Variants in OR11A1 observed in about 807,000 individuals in gnomAD.
OR11A1 encodes olfactory receptor 11A1.
For synonymous variants in OR11A1, 158 were observed against 152.2 expected, an observed-to-expected ratio of 1.04 and a Z score of -0.28; for missense variants, 380 against 378.2, an observed-to-expected ratio of 1.00 and a Z score of -0.04.
At chr6:29,451,946 G>T (rs571527364) in intron 1 of OR11A1, among the ~76,000 whole-genome samples, 82 of 152,222 alleles carry the variant, frequency 5.4e-4, no homozygotes, top group Non-Finnish European at 9.7e-4. Flanking sequence ...ATCAACAGTG[G>T]ACTGGAGAAG....
chr6:29,431,789 A>G, intron 2 of OR11A1, 75 bp downstream of exon 2: 2 of 863,918 alleles, frequency 2.3e-6, no homozygotes, highest in Non-Finnish European at 2.8e-6. Context: ...ATAAACAGCT[A>G]TAAAAACCAG....
intron 1 of OR11A1, chr6:29,440,036 G>A (rs759552911): frequency 1.3e-5 from 21 of 1,612,912 alleles, no homozygotes; most frequent in East Asian, 2.2e-5. Flanking sequence ...ACACCTCCAT[G>A]GTGACTGAGT....
In OR11A1 at chr6:29,457,033, T is replaced by C. The variant is rs1786418709; in HGVS notation, c.-435A>G. The stretch of plus-strand genomic sequence containing the variant: ...GCACGTTTTTAGTAGGGAGCCTTAG[T>C]TTCTCCCCATATGTGTGTTTCCATT... On this transcript the variant is annotated 5_prime_UTR_variant, in exon 1 of 5. Coordinates refer to ENST00000377149, the MANE Select transcript of OR11A1 (RefSeq NM_001394828.1). The C allele has an allele frequency of 1.3e-5, 2 of 152,204 alleles. No individual in the cohort carries two copies. The highest frequency in any genetic ancestry group is 6.5e-5 in the Admixed American group (1 of 15,282). The allele number at this position is 152,204 out of a possible 1,614,324, so 9.4% of individuals were successfully genotyped here.
At chr6:29,455,215 T>C (rs1424014152) in intron 1 of OR11A1, among the ~76,000 whole-genome samples, 1 of 152,156 alleles carries the variant, frequency 6.6e-6, no homozygotes, top group Non-Finnish European at 1.5e-5. Context: ...GCCATTCAAA[T>C]TGAAACATCA....
At chr6:29,446,723 T>C (rs1784813085) in intron 1 of OR11A1, among the ~76,000 whole-genome samples, 1 of 152,102 alleles carries the variant, frequency 6.6e-6, no homozygotes, top group Non-Finnish European at 1.5e-5. Flanking sequence ...TGCTTCAACC[T>C]CAGCATGCCT....
rs1783253681 is a variant in OR11A1, at chr6:29,431,896, A to T, written c.-297T>A. 1.0e-6 allele frequency: 1 copy of T among 985,248 alleles called. No individual in the cohort carries two copies. Among genetic ancestry groups the T allele is most frequent in the African/African-American group, 1.7e-5 (1 of 57,244 alleles). The allele number at this position is 985,248 out of a possible 1,614,324, so 61.0% of individuals were successfully genotyped here. ...ATCGACCCTGTTCTCTAAAGACAGG[A>T]CTGTGAGGAGGAGATGATCTGCTAA... On this transcript the variant is annotated 5_prime_UTR_variant, in exon 2 of 5. Transcript: ENST00000377149.
chr6:29,434,389 C>T (rs1427879754), intron 1 of OR11A1, among the ~76,000 whole-genome samples: 1 of 152,156 alleles, frequency 6.6e-6, no homozygotes, highest in East Asian at 1.9e-4. Flanking sequence ...TGTGGATATT[C>T]AGTTTTCCAA....
intron 1 of OR11A1, chr6:29,450,345 G>A (rs1345281181): frequency 6.6e-6 from 1 of 152,220 alleles, no homozygotes; most frequent in Non-Finnish European, 1.5e-5. Flanking sequence ...TTTGGGTAGA[G>A]TGGAGAGGCT....
intron 1 of OR11A1, among the ~76,000 whole-genome samples, chr6:29,441,980 G>A (rs889439514): frequency 2.6e-5 from 4 of 152,126 alleles, no homozygotes; most frequent in African/African-American, 4.8e-5. Context: ...CTATAAAGTT[G>A]CGGTAACAAC....
At chr6:29,428,353 GA>G (rs1320126262) in intron 4 of OR11A1, 1 of 985,462 alleles carries the variant, frequency 1.0e-6, no homozygotes. Context: ...TGGGAGCAGA[GA>G]AGGACCAAAC....
chr6:29,426,808 G>A lies in OR11A1; in HGVS notation c.834C>T (p.Leu278=). The A allele has an allele frequency of 6.2e-7, 1 of 1,613,150 alleles. No individual in the cohort carries two copies. Among genetic ancestry groups the A allele is most frequent in the South Asian group, 1.1e-5 (1 of 91,082 alleles). The change falls in exon 5 of 5, where the codon CTC becomes CTT. Residue 278 remains leucine (L), a synonymous_variant. Transcript: ENST00000377149. ...TGAAGAGAGGGGTGACCACAGTGTAGAGCAGGGAGAAGACCTTGGAGAGGA... is the reference window on the plus strand; with the variant it reads ...TGAAGAGAGGGGTGACCACAGTGTAAAGCAGGGAGAAGACCTTGGAGAGGA... The part of the protein sequence containing the change: ...SQLLSKVFSL[L]YTVVTPLFNP...
intron 1 of OR11A1, among the ~76,000 whole-genome samples, chr6:29,449,286 G>T (rs747879623): frequency 2.0e-5 from 3 of 152,096 alleles, no homozygotes; most frequent in Non-Finnish European, 2.9e-5. Flanking sequence ...GTCCACCTAG[G>T]GAGGAAGGGC....
intron 1 of OR11A1, among the ~76,000 whole-genome samples, chr6:29,437,287 A>C (rs987685315): frequency 2.0e-5 from 3 of 152,332 alleles, no homozygotes; most frequent in East Asian, 3.9e-4. Flanking sequence ...TGGAACCAAC[A>C]CAAATGTCCA....
At chr6:29,440,518 G>A (rs762015707) in intron 1 of OR11A1, 1 of 1,613,742 alleles carries the variant, frequency 6.2e-7, no homozygotes, top group Non-Finnish European at 8.5e-7. Flanking sequence ...TTGCCCTTCT[G>A]CGGCCCCAAT....
In OR11A1 at chr6:29,428,972, G is replaced by A. The variant is rs992983834; in HGVS notation, c.-139-12C>T. ...TATGTGTTTATTAACTGAAGACAAT[G>A]AGAGAGAATACAGGGAATGATTAGA... On this transcript the variant is annotated splice_polypyrimidine_tract_variant and intron_variant, in intron 3 of 4. Transcript: ENST00000377149. 1.1e-6 allele frequency: 1 copy of A among 942,692 alleles called. No individual in the cohort carries two copies. Among genetic ancestry groups the A allele is most frequent in the Non-Finnish European group, 1.3e-6 (1 of 791,616 alleles). The allele number at this position is 942,692 out of a possible 1,614,324, so 58.4% of individuals were successfully genotyped here.
In OR11A1 at chr6:29,426,564, T is replaced by G; in HGVS notation, c.*130A>C. ...AAAATTGTTGCCCTATCATTTTCAT[T>G]TTTAGTATAACTGCAGAAGAGTTCA... is the stretch of plus-strand genomic sequence containing the variant. On this transcript the variant is annotated 3_prime_UTR_variant, in exon 5 of 5. Transcript: ENST00000377149. The G allele has an allele frequency of 3.0e-6, 2 of 667,742 alleles. No homozygotes were observed. The highest frequency in any genetic ancestry group is 5.5e-5 in the East Asian group (2 of 36,682). 41.4% of individuals were successfully genotyped at this position (667,742 alleles called of 1,614,324 possible).
intron 1 of OR11A1, chr6:29,439,737 T>C: frequency 2.1e-6 from 1 of 478,484 alleles, no homozygotes; most frequent in Non-Finnish European, 3.7e-6. Flanking sequence ...CAGTTTAACA[T>C]GTTCTTTAGA....
At chr6:29,443,275 T>G (rs904509239) in intron 1 of OR11A1, among the ~76,000 whole-genome samples, 1 of 152,132 alleles carries the variant, frequency 6.6e-6, no homozygotes, top group Non-Finnish European at 1.5e-5. Flanking sequence ...ATCTCTCTCT[T>G]TCACCCCTCC....
At chr6:29,440,672 TATCCTCGTTACCATCTTCCGG>T in intron 1 of OR11A1, 4 of 1,614,160 alleles carry the variant, frequency 2.5e-6, no homozygotes, top group South Asian at 1.1e-5. Context: ...CCTACGGGCG[TATCCTCGTTACCATCTTCCGG>T]ATCCCATCTG....
Sources: allele counts gnomAD v4.1 joint callset (sites outside exome capture counted in the v4.1 genomes callset), GRCh38; gene constraint gnomAD v4.1.1; transcripts MANE v1.5; gene names NCBI Gene and HGNC (gene_info 2026-07-23, HGNC 2026-07-21).